Variants in USP28 observed in about 807,000 individuals in gnomAD.
USP28 encodes the protein ubiquitin specific peptidase 28, also known as ubiquitin carboxyl-terminal hydrolase 28.
In USP28, 113 loss-of-function variants were observed where a neutral mutation model predicts 145.0. That is an observed-to-expected ratio of 0.78 (90% confidence interval 0.67 to 0.91). The LOEUF (loss-of-function observed/expected upper bound fraction) is 0.91, where lower values mean the gene tolerates loss of function less well. Ranked by LOEUF, USP28 falls within the 40% of genes least tolerant of loss-of-function variation. The pLI, the probability that USP28 is intolerant of heterozygous loss-of-function variation, is 0.00. For missense variants in USP28, 1,201 were observed against 1,289.6 expected (o/e 0.93, Z 1.05); for synonymous variants, 447 against 450.9 (o/e 0.99, Z 0.11).
exon 25 of USP28, chr11:113,798,387 C>A (rs1371393664): frequency 6.6e-6 from 1 of 151,598 alleles, no homozygotes; most frequent in Non-Finnish European, 1.5e-5. Context: ...TGAACGCCAG[C>A]CTGGGCGACA....
intron 1 of USP28, among the ~76,000 whole-genome samples, chr11:113,872,411 C>CG (rs1278826318): frequency 2.6e-5 from 4 of 151,158 alleles, no homozygotes; most frequent in East Asian, 2.0e-4. Flanking sequence ...GGCATGAACC[C>CG]GGGGGGCGGA....
chr11:113,835,970 C>A (rs774059584), intron 5 of USP28, among the ~76,000 whole-genome samples: 2 of 151,812 alleles, frequency 1.3e-5, no homozygotes, highest in Non-Finnish European at 2.9e-5. Flanking sequence ...CCCAGCTGCT[C>A]GGGAGGCTGA....
At chr11:113,817,627 C>T (rs1333440938) in intron 13 of USP28, 31 bp downstream of exon 13, 4 of 1,605,912 alleles carry the variant, frequency 2.5e-6, no homozygotes, top group East Asian at 2.2e-5. Context: ...AAAAACAATA[C>T]ATACCATTAA....
At chr11:113,804,030 A>G (rs963878746) in intron 21 of USP28, among the ~76,000 whole-genome samples, 153 bp from the exon 23 acceptor site, 2 of 152,244 alleles carry the variant, frequency 1.3e-5, no homozygotes, top group African/African-American at 4.8e-5. Context: ...AAACCTACTC[A>G]ACATTTAAAA....
Position 113,831,930 on chromosome 11 carries a change from C to G in USP28, c.823G>C (p.Val275Leu), listed in dbSNP as rs757300567. The stretch of plus-strand genomic sequence containing the variant: ...ACCCTCAACACTCACTTAACATTAA[C>G]AGCTAGCTGGAATGCGTCCTCTAGC... Residue 275 changes from valine (V) to leucine (L), a missense_variant, in exon 8 of 25, where the codon GTT becomes CTT. By Grantham distance (32) the Val-to-Leu change is conservative. Coordinates refer to ENST00000003302, the Ensembl canonical transcript of USP28. 1.2e-6 allele frequency: 2 copies of G among 1,613,860 alleles called. 1 individual carries two copies. The highest frequency in any genetic ancestry group is 1.7e-6 in the Non-Finnish European group (2 of 1,179,850).
intron 7 of USP28, 94 bp downstream of exon 7, chr11:113,833,326 T>C: frequency 6.6e-7 from 1 of 1,506,362 alleles, no homozygotes. Flanking sequence ...TGCTTAGTCA[T>C]GTTCACAGCT....
chr11:113,808,160 A>C, intron 18 of USP28, 24 bp from the exon 19 acceptor site: 1 of 1,520,042 alleles, frequency 6.6e-7, no homozygotes, highest in South Asian at 1.3e-5. Flanking sequence ...GTGGGGAGAA[A>C]GAGTAAGAAA....
chr11:113,862,309 T>C (rs1275710171), intron 1 of USP28, among the ~76,000 whole-genome samples: 2 of 152,212 alleles, frequency 1.3e-5, no homozygotes, highest in East Asian at 1.9e-4. Flanking sequence ...ACTGCGCCAC[T>C]GTACTCCAGC....
At chr11:113,804,698 T>C (rs1939626747) in exon 21 of USP28, 5 of 1,614,102 alleles carry the variant, frequency 3.1e-6, no homozygotes, top group Non-Finnish European at 4.2e-6. Flanking sequence ...ATTCATGTCA[T>C]CTGGACCAAT....
chr11:113,847,872 C>G (rs1286866451), intron 3 of USP28, among the ~76,000 whole-genome samples: 4 of 152,118 alleles, frequency 2.6e-5, no homozygotes, highest in Non-Finnish European at 5.9e-5. Flanking sequence ...GTTAAGGACA[C>G]CCCTTCAGTG....
intron 16 of USP28, 39 bp from the exon 17 acceptor site, chr11:113,809,293 A>C: frequency 6.3e-6 from 10 of 1,581,146 alleles, no homozygotes; most frequent in Non-Finnish European, 8.6e-6. Context: ...GGTCACAAGG[A>C]ACGAAAACAT....
chr11:113,833,376 G>A (rs552270396), intron 7 of USP28, 44 bp downstream of exon 7: 1 of 1,601,298 alleles, frequency 6.2e-7, no homozygotes, highest in Non-Finnish European at 8.5e-7. Flanking sequence ...CATTAACACT[G>A]ACAAGGCATG....
Position 113,821,020 on chromosome 11 carries a change from G to A in USP28, c.1283+2585C>T, listed in dbSNP as rs184634766. On this transcript the variant is annotated intron_variant, in intron 12 of 24. Transcript: ENST00000003302. ...TGAGATGCTTCAAAGACATGGTGAC[G>A]TTCACTGGGCAATCAGCCTTCCAGT... 5.9e-5 allele frequency: 12 copies of A among 203,426 alleles called. No individual in the cohort carries two copies. The Admixed American group carries it at 6.2e-4, about 10-fold the overall frequency. The allele number at this position is 203,426 out of a possible 1,614,324, so 12.6% of individuals were successfully genotyped here.
intron 13 of USP28, 50 bp downstream of exon 13, chr11:113,817,608 T>C: frequency 6.3e-7 from 1 of 1,586,696 alleles, no homozygotes; most frequent in Non-Finnish European, 8.6e-7. Context: ...ATAGTTTAAA[T>C]TATACCAGAA....
chr11:113,860,798 A>G (rs777858503), intron 1 of USP28, among the ~76,000 whole-genome samples: 1 of 148,624 alleles, frequency 6.7e-6, no homozygotes, highest in African/African-American at 2.5e-5. Flanking sequence ...CAGCCTGCAC[A>G]ACAGAGCAAG....
intron 1 of USP28, among the ~76,000 whole-genome samples, chr11:113,855,711 G>A (rs956767828): frequency 6.6e-6 from 1 of 152,174 alleles, no homozygotes; most frequent in African/African-American, 2.4e-5. Flanking sequence ...GAGGTTGGGA[G>A]TTCGAGACCA....
At chr11:113,847,191 C>T (rs1945957982) in intron 3 of USP28, among the ~76,000 whole-genome samples, 1 of 151,802 alleles carries the variant, frequency 6.6e-6, no homozygotes, top group Non-Finnish European at 1.5e-5. Flanking sequence ...TACCTAAAAA[C>T]AATTACGATT....
At chr11:113,826,197 C>T (rs890766201) in intron 11 of USP28, among the ~76,000 whole-genome samples, 5 of 149,292 alleles carry the variant, frequency 3.3e-5, no homozygotes, top group African/African-American at 7.4e-5. Flanking sequence ...ACAGGAGAAT[C>T]GCTTGAACCC....
At chr11:113,825,591 G>A (rs1019480599) in intron 11 of USP28, among the ~76,000 whole-genome samples, 4 of 152,114 alleles carry the variant, frequency 2.6e-5, no homozygotes, top group African/African-American at 7.2e-5. Flanking sequence ...AACTAGATAC[G>A]TCACCAAATG....
Sources: allele counts gnomAD v4.1 joint callset (sites outside exome capture counted in the v4.1 genomes callset), GRCh38; gene constraint gnomAD v4.1.1; transcripts MANE v1.5; gene names NCBI Gene and HGNC (gene_info 2026-07-23, HGNC 2026-07-21).